CA10: variants seen among roughly 807,000 people sequenced by gnomAD.
CA10 encodes the protein carbonic anhydrase-related protein 10.
CA10 carries 14 observed loss-of-function variants against 44.2 expected under a neutral mutation model. That is an observed-to-expected ratio of 0.32 (90% CI 0.21 to 0.50). The LOEUF (loss-of-function observed/expected upper bound fraction) is 0.50, where lower values mean the gene tolerates loss of function less well. Among genes scored for constraint, CA10 ranks in the 20% least tolerant of loss-of-function variants. CA10 has a pLI of 0.99. For missense variants in CA10, 350 were observed against 409.7 expected (o/e 0.85, Z 1.26); for synonymous variants, 159 against 141.6 (o/e 1.12, Z -0.87).
intron 1 of CA10, among the ~76,000 whole-genome samples, chr17:52,101,595 T>C (rs1988541300): frequency 1.3e-5 from 2 of 152,226 alleles, no homozygotes; most frequent in African/African-American, 4.8e-5. Context: ...TCCACATGTC[T>C]TGAAGACCAT....
intron 3 of CA10, among the ~76,000 whole-genome samples, chr17:51,925,373 TCA>T (rs1287518573): frequency 6.6e-6 from 1 of 150,506 alleles, no homozygotes. Context: ...TAAATCAAAA[TCA>T]CAGTGAGAGA....
chr17:51,754,905 T>G (rs1427380675), intron 3 of CA10, among the ~76,000 whole-genome samples: 1 of 152,070 alleles, frequency 6.6e-6, no homozygotes, highest in Non-Finnish European at 1.5e-5. Flanking sequence ...AATACAAATA[T>G]GCGTGTGTGT....
At chr17:51,890,730 T>C (rs1432964054) in intron 3 of CA10, among the ~76,000 whole-genome samples, 1 of 152,174 alleles carries the variant, frequency 6.6e-6, no homozygotes, top group Non-Finnish European at 1.5e-5. Context: ...GTCACTAGTA[T>C]ATATAGTGCA....
intron 2 of CA10, among the ~76,000 whole-genome samples, chr17:52,068,597 A>C (rs1403858826): frequency 2.0e-5 from 3 of 152,170 alleles, no homozygotes; most frequent in Non-Finnish European, 4.4e-5. Flanking sequence ...GCCCTGGAAG[A>C]CTGCTTTAGG....
intron 2 of CA10, among the ~76,000 whole-genome samples, chr17:52,005,323 A>C (rs1310129502): frequency 6.6e-6 from 1 of 151,968 alleles, no homozygotes; most frequent in Non-Finnish European, 1.5e-5. Flanking sequence ...AGTTACTGGA[A>C]TCTTTAAAGA....
chr17:51,974,734 C>A (rs1168377197), intron 2 of CA10, among the ~76,000 whole-genome samples: 1 of 151,680 alleles, frequency 6.6e-6, no homozygotes, highest in Non-Finnish European at 1.5e-5. Flanking sequence ...ACATTACATA[C>A]AAGAGAAAAA....
At chr17:51,655,447 A>T (rs2214016) in intron 4 of CA10, among the ~76,000 whole-genome samples, 64,998 of 152,106 alleles carry the variant, frequency 0.43, 15,191 homozygotes, top group Admixed American at 0.53. Context: ...AAAAAGGTGA[A>T]GTTTTAGAAG....
chr17:52,121,191 C>T (rs1206158494), intron 1 of CA10, among the ~76,000 whole-genome samples: 1 of 152,192 alleles, frequency 6.6e-6, no homozygotes, highest in East Asian at 1.9e-4. Flanking sequence ...TGAATCACCT[C>T]CTCTCTTGCA....
chr17:52,108,189 AT>A (rs879650640), intron 1 of CA10, among the ~76,000 whole-genome samples: 1 of 74,314 alleles, frequency 1.3e-5, no homozygotes, highest in Non-Finnish European at 2.1e-5. Context: ...TTATATATAT[AT>A]TTTTTATATA....
intron 3 of CA10, among the ~76,000 whole-genome samples, chr17:51,786,035 G>T (rs1230423774): frequency 1.3e-5 from 2 of 151,926 alleles, no homozygotes; most frequent in Admixed American, 6.6e-5. Context: ...TCACTTATTT[G>T]GTATTTAAAT....
chr17:52,144,288 T>C (rs1433547838), intron 1 of CA10, among the ~76,000 whole-genome samples: 1 of 152,198 alleles, frequency 6.6e-6, no homozygotes, highest in African/African-American at 2.4e-5. Flanking sequence ...GCCATAATAA[T>C]ACCTCACTTC....
chr17:51,648,656 A>G lies in CA10; in HGVS notation c.634+526T>C, dbSNP rs191098426. ...TCTGCATAATGAGTCTGGGGATAAAACACTCTGGAAACCCAAGGAAACTGG... is the reference window on the plus strand; with the variant it reads ...TCTGCATAATGAGTCTGGGGATAAAGCACTCTGGAAACCCAAGGAAACTGG... On this transcript the variant is annotated intron_variant, in intron 6 of 8. Coordinates refer to ENST00000451037, the MANE Select transcript of CA10 (RefSeq NM_020178.5). 1.1e-4 allele frequency among the ~76,000 whole-genome samples: 17 copies of G among 152,230 alleles called. No homozygotes were observed. The East Asian group carries it at 2.1e-3, about 19-fold the overall frequency.
intron 4 of CA10, among the ~76,000 whole-genome samples, chr17:51,657,300 A>G (rs1597966929): frequency 2.0e-5 from 3 of 152,038 alleles, no homozygotes; most frequent in Non-Finnish European, 2.9e-5. Flanking sequence ...GTATCAGTTC[A>G]TGCATGAACA....
At chr17:51,959,164 G>A (rs1983773935) in intron 2 of CA10, among the ~76,000 whole-genome samples, 1 of 151,450 alleles carries the variant, frequency 6.6e-6, no homozygotes, top group Non-Finnish European at 1.5e-5. Flanking sequence ...CCTTAGACTA[G>A]TGAAAGCAGC....
chr17:51,927,847 C>T (rs891464537), intron 3 of CA10, among the ~76,000 whole-genome samples: 3 of 152,228 alleles, frequency 2.0e-5, no homozygotes, highest in South Asian at 4.1e-4. Flanking sequence ...AGAATTATCT[C>T]CCCAACCTCC....
intron 3 of CA10, among the ~76,000 whole-genome samples, chr17:51,788,767 G>A (rs1357048571): frequency 2.0e-5 from 3 of 152,136 alleles, no homozygotes; most frequent in Non-Finnish European, 2.9e-5. Context: ...AATAGACACA[G>A]ATTAAAGTCC....
rs1027956570 is a variant in CA10, at chr17:51,638,322, A to AAGAT, written c.635-2317_635-2314dup. On this transcript the variant is annotated intron_variant, in intron 6 of 8. Coordinates refer to ENST00000451037, the MANE Select transcript of CA10 (RefSeq NM_020178.5). ...GTTCCATCCACCAAAGTCTCTGAGG[A>AAGAT]AGATAGCTTCACCAAGCTGGATTTG... 2.8e-4 allele frequency among the ~76,000 whole-genome samples: 43 copies of AAGAT among 152,348 alleles called. 1 individual carries two copies. Among genetic ancestry groups the AAGAT allele is most frequent in the African/African-American group, 1.0e-3 (43 of 41,584 alleles).
chr17:51,774,445 CTT>C (rs11441373), intron 3 of CA10, among the ~76,000 whole-genome samples: 1 of 146,360 alleles, frequency 6.8e-6, no homozygotes, highest in African/African-American at 2.5e-5. Flanking sequence ...CATTTAAGGT[CTT>C]TTTTTTTTTT....
chr17:52,052,963 T>A (rs902133758), intron 2 of CA10, among the ~76,000 whole-genome samples: 3 of 151,208 alleles, frequency 2.0e-5, no homozygotes, highest in African/African-American at 7.3e-5. Context: ...GTGTGAGTGA[T>A]GTGTGTGTGT....
Sources: gnomAD v4.1 joint callset for allele counts (sites outside exome capture counted in the v4.1 genomes callset) on GRCh38, gnomAD v4.1.1 for gene constraint, MANE v1.5 for transcripts, NCBI Gene and HGNC (gene_info 2026-07-23, HGNC 2026-07-21) for gene names.